COL4A6: variants seen among roughly 807,000 people sequenced by gnomAD.
The protein encoded by COL4A6 is collagen type IV alpha 6 chain.
A neutral mutation model predicts 126.7 loss-of-function variants in COL4A6; 59 were observed. The observed-to-expected ratio is 0.47, with a 90% CI of 0.38 to 0.58. COL4A6 has a LOEUF of 0.58. COL4A6 is among the 20% of genes least tolerant of loss of function. The pLI is 0.00. For synonymous variants in COL4A6, 547 were observed against 496.6 expected, an observed-to-expected ratio of 1.10 and a Z score of -1.35; for missense variants, 1,285 against 1,337.3, an observed-to-expected ratio of 0.96 and a Z score of 0.61.
chrX:108,266,913 A>G (rs1379739174), intron 3 of COL4A6, among the ~76,000 whole-genome samples: 3 of 111,865 alleles, frequency 2.7e-5, no homozygotes, highest in Non-Finnish European at 5.7e-5. Flanking sequence ...CAACCTCTGT[A>G]TTAGCTTCCT....
chrX:108,206,985 G>C (rs920509567), intron 8 of COL4A6, among the ~76,000 whole-genome samples: 1 of 111,435 alleles, frequency 9.0e-6, no homozygotes, highest in Non-Finnish European at 1.9e-5. Flanking sequence ...GAGCAGGAGG[G>C]AACTTTCTGA....
At chrX:108,221,708 T>C (rs978645001) in intron 3 of COL4A6, among the ~76,000 whole-genome samples, 1 of 112,740 alleles carries the variant, frequency 8.9e-6, no homozygotes, top group African/African-American at 3.2e-5. Context: ...ATTGTCAAAA[T>C]AGTGAAAGAA....
At chrX:108,425,050 CAT>C (rs2064048408) in intron 2 of COL4A6, among the ~76,000 whole-genome samples, 1 of 111,015 alleles carries the variant, frequency 9.0e-6, no homozygotes, top group Non-Finnish European at 1.9e-5. Context: ...AAATAAATAA[CAT>C]ATTTAAAAAC....
chrX:108,179,527 T>C lies in COL4A6; in HGVS notation c.2132-89A>G. 4 of 700,466 alleles carry C rather than the reference T, an allele frequency of 5.7e-6. No individual in the cohort carries two copies. In the East Asian group the frequency reaches 1.0e-4, roughly 18 times the overall value. 57.7% of individuals were successfully genotyped at this position (700,466 alleles called of 1,213,427 possible). A position where few individuals can be genotyped will look rare whatever the true frequency, so the allele number is the denominator to read the frequency against. On this transcript the variant is annotated intron_variant, in intron 25 of 44. Coordinates refer to ENST00000334504, the MANE Select transcript of COL4A6 (RefSeq NM_033641.4). ...ATCTCTGAGACAGATTTTTCTAATA[T>C]GAAAGCTAACATATTAATAATATAT...
intron 2 of COL4A6, among the ~76,000 whole-genome samples, chrX:108,374,252 C>T (rs769133496): frequency 8.9e-6 from 1 of 112,059 alleles, no homozygotes; most frequent in Non-Finnish European, 1.9e-5. Context: ...AGCAAAGGAA[C>T]CAGGAAAACA....
chrX:108,333,860 A>G (rs1273177677), intron 2 of COL4A6, among the ~76,000 whole-genome samples: 1 of 111,529 alleles, frequency 9.0e-6, no homozygotes, highest in African/African-American at 3.3e-5. Context: ...GATACCTACA[A>G]GGAGAACTAC....
chrX:108,188,077 T>C (rs776518182), intron 21 of COL4A6, 50 bp from the exon 22 acceptor site: 1 of 1,061,092 alleles, frequency 9.4e-7, no homozygotes, highest in Non-Finnish European at 1.3e-6. Context: ...GTAGACTTCA[T>C]AGAATTCCGG....
chrX:108,187,385 T>G, intron 22 of COL4A6, 106 bp from the exon 23 acceptor site: 4 of 652,116 alleles, frequency 6.1e-6, no homozygotes, highest in Non-Finnish European at 8.7e-6. Context: ...GCTTTGTGTT[T>G]TGTTAAAATT....
intron 3 of COL4A6, among the ~76,000 whole-genome samples, chrX:108,287,826 T>C (rs1427171752): frequency 8.9e-6 from 1 of 111,984 alleles, no homozygotes; most frequent in Non-Finnish European, 1.9e-5. Context: ...CAGCTGCATC[T>C]CCTCATCTAC....
chrX:108,417,181 A>G (rs898367264), intron 2 of COL4A6, among the ~76,000 whole-genome samples: 28 of 111,525 alleles, frequency 2.5e-4, no homozygotes, highest in Middle Eastern at 4.6e-3. Context: ...GAAAGGAGAA[A>G]CTGCCCATAT....
chrX:108,214,019 C>CA (rs1458607789), intron 6 of COL4A6, 93 bp downstream of exon 6: 9 of 746,579 alleles, frequency 1.2e-5, no homozygotes, highest in Non-Finnish European at 1.9e-5. Context: ...GGCTGCCCCA[C>CA]AAAATCTTGA....
At chrX:108,331,773 T>A in intron 2 of COL4A6, among the ~76,000 whole-genome samples, 1 of 111,532 alleles carries the variant, frequency 9.0e-6, no homozygotes, top group Middle Eastern at 4.6e-3. Flanking sequence ...TCAGTCTTTT[T>A]CTCTTGAGGC....
Position 108,294,029 on chromosome X carries a change from T to C in COL4A6, c.144+16719A>G, listed in dbSNP as rs548723943. 3.6e-5 allele frequency among the ~76,000 whole-genome samples: 4 copies of C among 112,368 alleles called. No individual in the cohort carries two copies. The South Asian group carries it at 1.5e-3, about 42-fold the overall frequency. On this transcript the variant is annotated intron_variant, in intron 3 of 44. Coordinates refer to ENST00000334504, the MANE Select transcript of COL4A6 (RefSeq NM_033641.4). ...CACTCACTGATGCTACCAAAATAACTACCAGCATTTATTGAGCATGTACTC... is the reference window on the plus strand; with the variant it reads ...CACTCACTGATGCTACCAAAATAACCACCAGCATTTATTGAGCATGTACTC...
chrX:108,283,060 A>G (rs1476110643), intron 3 of COL4A6, among the ~76,000 whole-genome samples: 2 of 104,425 alleles, frequency 1.9e-5, no homozygotes, highest in Non-Finnish European at 3.9e-5. Flanking sequence ...TGACGAGTTA[A>G]TGGGTGCAGC....
intron 3 of COL4A6, among the ~76,000 whole-genome samples, chrX:108,302,538 A>G (rs1205532604): frequency 8.9e-6 from 1 of 111,827 alleles, no homozygotes; most frequent in Non-Finnish European, 1.9e-5. Context: ...ATTATCTCCA[A>G]TACATGGTCT....
chrX:108,189,756 T>G (rs2034981199), intron 20 of COL4A6, among the ~76,000 whole-genome samples: 1 of 112,342 alleles, frequency 8.9e-6, no homozygotes, highest in Non-Finnish European at 1.9e-5. Flanking sequence ...AGGAGTAAGT[T>G]AGAACATCTC....
At chrX:108,435,563 C>T (rs752334020) in intron 2 of COL4A6, among the ~76,000 whole-genome samples, 1 of 111,896 alleles carries the variant, frequency 8.9e-6, no homozygotes, top group East Asian at 2.8e-4. Flanking sequence ...CATGGATGTT[C>T]TGAGATCCTA....
chrX:108,383,839 G>A, intron 2 of COL4A6: 1 of 491,268 alleles, frequency 2.0e-6, no homozygotes, highest in Non-Finnish European at 3.7e-6. Context: ...CCTCAAACCA[G>A]ATGCAAGTCA....
chrX:108,399,591 C>T (rs1206339968), intron 2 of COL4A6, among the ~76,000 whole-genome samples: 1 of 111,140 alleles, frequency 9.0e-6, no homozygotes, highest in African/African-American at 3.3e-5. Flanking sequence ...AAGTGTTTTC[C>T]CTTCAGGCAA....
Sources: allele counts gnomAD v4.1 joint callset (sites outside exome capture counted in the v4.1 genomes callset), GRCh38; gene constraint gnomAD v4.1.1; transcripts MANE v1.5; gene names NCBI Gene and HGNC (gene_info 2026-07-23, HGNC 2026-07-21).